Variants in RGL4 observed in about 807,000 individuals in gnomAD.
RGL4 encodes ral guanine nucleotide dissociation stimulator like 4, also known as ral-GDS-related protein.
In RGL4, 41 loss-of-function variants were observed where a neutral mutation model predicts 49.6. The ratio of observed to expected loss-of-function variants is 0.83; its 90% confidence interval spans 0.64 to 1.07. The LOEUF (loss-of-function observed/expected upper bound fraction) is 1.07, where lower values mean the gene tolerates loss of function less well. Among genes scored for constraint, RGL4 ranks in the 50% least tolerant of loss-of-function variants. The probability of loss-of-function intolerance (pLI) is 0.00; values close to 1 mark genes in which losing one functional copy is unlikely to be tolerated. For missense variants in RGL4, 610 were observed against 591.9 expected (o/e 1.03, Z -0.32); for synonymous variants, 255 against 238.0 (o/e 1.07, Z -0.66).
At chr22:23,697,435 A>G (rs1923578555) in intron 8 of RGL4, among the ~76,000 whole-genome samples, 190 bp downstream of exon 8, 1 of 152,188 alleles carries the variant, frequency 6.6e-6, no homozygotes, top group Admixed American at 6.5e-5. Context: ...CATGGCAGCC[A>G]CCAGGCCCTA....
chr22:23,695,219 G>A, intron 6 of RGL4, 200 bp downstream of exon 6: 1 of 522,432 alleles, frequency 1.9e-6, no homozygotes, highest in Non-Finnish European at 3.5e-6. Context: ...GGCACGTGGG[G>A]GCATGGGGGC....
Position 23,693,921 on chromosome 22 carries a change from A to C in RGL4, c.859A>C (p.Met287Leu). 1 of 1,613,888 alleles carries C rather than the reference A, an allele frequency of 6.2e-7. No individual in the cohort carries two copies. The highest frequency in any genetic ancestry group is 8.5e-7 in the Non-Finnish European group (1 of 1,180,014). Residue 287 changes from methionine (M) to leucine (L), a missense_variant, in exon 4 of 11, where the codon ATG becomes CTG. Physicochemically the swap from Met to Leu is conservative, Grantham distance 15. Coordinates refer to ENST00000290691, the MANE Select transcript of RGL4 (RefSeq NM_153615.2). ...CACCTCCTGCCTCGGGGACCACAGC[A>C]TGAGGGCCCGGGACAGGGCCAGGGT... The part of the protein sequence containing the change: ...ITTSCLGDHS[M>L]RARDRARVVE...
intron 6 of RGL4, among the ~76,000 whole-genome samples, chr22:23,695,750 C>A (rs1220674987): frequency 6.6e-6 from 1 of 152,230 alleles, no homozygotes; most frequent in Non-Finnish European, 1.5e-5. Flanking sequence ...CTAGGGGATC[C>A]TCCCTGACCA....
At position 23,691,846 on chromosome 22, in the gene RGL4, G is replaced by T. The variant is rs922630405; in HGVS notation, c.-185G>T. On this transcript the variant is annotated 5_prime_UTR_variant, in exon 1 of 11. Coordinates refer to ENST00000290691, the MANE Select transcript of RGL4 (RefSeq NM_153615.2). ...GGACTTCCCCCACAAGAGGCAAATA[G>T]TGAGTTCTGTAAATGGAGACTTAGG... 3.5e-6 allele frequency: 2 copies of T among 575,162 alleles called. No individual in the cohort carries two copies. Among genetic ancestry groups the T allele is most frequent in the African/African-American group, 1.9e-5 (1 of 53,712 alleles). The allele number at this position is 575,162 out of a possible 1,614,324, so 35.6% of individuals were successfully genotyped here.
At position 23,694,441 on chromosome 22, in the gene RGL4, G is replaced by A. The variant is rs1341653137; in HGVS notation, c.1007G>A (p.Gly336Glu). The A allele has an allele frequency of 2.5e-6, 4 of 1,611,696 alleles. No homozygotes were observed. The South Asian group carries it at 3.3e-5, about 13-fold the overall frequency. ...PIGQLHKTWAGVSSKSMKELK... is the reference protein window; with the variant it reads ...PIGQLHKTWAEVSSKSMKELK... ...GGTCAGCTACACAAGACGTGGGCAG[G>A]AGTGTCCAGGTGAGGAGGGCTCTCT... Residue 336 changes from glycine (G) to glutamate (E), a missense_variant, in exon 5 of 11, where the codon GGA (glycine) becomes GAA (glutamate). Physicochemically the swap from Gly to Glu is moderately conservative, Grantham distance 98. Transcript: ENST00000290691.
chr22:23,697,678 T>A (rs1923595982), intron 8 of RGL4, among the ~76,000 whole-genome samples, 160 bp from the exon 9 acceptor site: 1 of 152,050 alleles, frequency 6.6e-6, no homozygotes, highest in Non-Finnish European at 1.5e-5. Flanking sequence ...CAGCTCCCAT[T>A]CCCCCTGCTC....
Position 23,699,127 on chromosome 22 carries a change from G to C in RGL4, c.*244G>C. On this transcript the variant is annotated 3_prime_UTR_variant, in exon 11 of 11. Transcript: ENST00000290691. ...TATTTTCTTTAGTGTATAAGTAAGGGTTTTTTCTTAACTTTCGTTAAAATA... is the reference window on the plus strand; with the variant it reads ...TATTTTCTTTAGTGTATAAGTAAGGCTTTTTTCTTAACTTTCGTTAAAATA... 2.0e-6 allele frequency: 3 copies of C among 1,476,598 alleles called. No homozygotes were observed. Among genetic ancestry groups the C allele is most frequent in the Non-Finnish European group, 2.7e-6 (3 of 1,118,076 alleles). The allele number at this position is 1,476,598 out of a possible 1,614,324, so 91.5% of individuals were successfully genotyped here.
intron 3 of RGL4, 192 bp downstream of exon 3, chr22:23,693,183 G>C: frequency 1.0e-6 from 1 of 977,538 alleles, no homozygotes; most frequent in Non-Finnish European, 1.5e-6. Context: ...CATCACCAGC[G>C]CCAGCTGCAC....
At chr22:23,696,754 C>T in intron 7 of RGL4, 66 bp downstream of exon 7, 1 of 1,405,914 alleles carries the variant, frequency 7.1e-7, no homozygotes, top group African/African-American at 1.4e-5. Context: ...TCCCCGCCAG[C>T]TGGAGGCCTC....
intron 6 of RGL4, 168 bp from the exon 7 acceptor site, chr22:23,696,446 G>A (rs768260216): frequency 5.5e-5 from 84 of 1,539,874 alleles, no homozygotes; most frequent in East Asian, 2.7e-4. Flanking sequence ...AGGGAGGCCC[G>A]GCTGCAAGAC....
In RGL4 at chr22:23,692,391, A is replaced by G; in HGVS notation, c.236A>G (p.Gln79Arg). 6.2e-7 allele frequency: 1 copy of G among 1,614,156 alleles called. No individual in the cohort carries two copies. The highest frequency in any genetic ancestry group is 8.5e-7 in the Non-Finnish European group (1 of 1,180,026). ...CCCGAAAACACTTCAGTTTACTATC[A>G]GCCCCCGCAACGGTCATCTTTCCGG... is the stretch of plus-strand genomic sequence containing the variant. ...WPPENTSVYY[Q>R]PPQRSSFRIK... Residue 79 changes from glutamine to arginine, a missense_variant, in exon 2 of 11, where the codon CAG becomes CGG. Coordinates refer to ENST00000290691, the MANE Select transcript of RGL4 (RefSeq NM_153615.2).
chr22:23,698,414 G>A (rs747755892), intron 10 of RGL4, 81 bp downstream of exon 10: 4 of 1,491,488 alleles, frequency 2.7e-6, no homozygotes, highest in Non-Finnish European at 3.7e-6. Flanking sequence ...CTGTCGCCCA[G>A]GCTGCACTGC....
In RGL4 at chr22:23,691,170, T is replaced by C. The variant is rs1362231356; in HGVS notation, c.-861T>C. 1 of 152,244 alleles carries C rather than the reference T, an allele frequency of 6.6e-6. No individual in the cohort carries two copies. The highest frequency in any genetic ancestry group is 2.4e-5 in the African/African-American group (1 of 41,442). The allele number at this position is 152,244 out of a possible 1,614,324, so 9.4% of individuals were successfully genotyped here. A position where few individuals can be genotyped will look rare whatever the true frequency, so the allele number is the denominator to read the frequency against. On this transcript the variant is annotated 5_prime_UTR_variant, in exon 1 of 11. Transcript: ENST00000290691. Reference sequence around the variant, plus strand: ...GAAAATCTGCTGGGGGTGCTGTGATTCATGTTTGTTACTTTTCTCTTCCCC... The same window carrying C: ...GAAAATCTGCTGGGGGTGCTGTGATCCATGTTTGTTACTTTTCTCTTCCCC...
chr22:23,697,710 G>A, intron 8 of RGL4, 128 bp from the exon 9 acceptor site: 1 of 1,014,434 alleles, frequency 9.9e-7, no homozygotes, highest in Admixed American at 2.0e-5. Context: ...GCCTGAGGCA[G>A]GTCCAAGTCC....
In RGL4 at chr22:23,698,208, C is replaced by G. The variant is rs771288260; in HGVS notation, c.1261-4C>G. 2 of 1,602,868 alleles carry G rather than the reference C, an allele frequency of 1.2e-6. No individual in the cohort carries two copies. Among genetic ancestry groups the G allele is most frequent in the African/African-American group, 2.7e-5 (2 of 74,754 alleles). On this transcript the variant is annotated splice_polypyrimidine_tract_variant and splice_region_variant and intron_variant, in intron 9 of 10. Transcript: ENST00000290691. Reference sequence around the variant, plus strand: ...CCTGTCAGCATCCTGTCCTCTGTCTCTAGGAGGTCCGAGTTCTGCAGGAAA... The same window carrying G: ...CCTGTCAGCATCCTGTCCTCTGTCTGTAGGAGGTCCGAGTTCTGCAGGAAA...
rs2123857771 is a variant in RGL4 at position 23,694,334 on chromosome 22, C to T, written c.913-13C>T. The T allele has an allele frequency of 1.3e-6, 2 of 1,599,702 alleles. No homozygotes were observed. Among genetic ancestry groups the T allele is most frequent in the Non-Finnish European group, 1.7e-6 (2 of 1,166,878 alleles). On this transcript the variant is annotated splice_polypyrimidine_tract_variant and intron_variant, in intron 4 of 10. Coordinates refer to ENST00000290691, the MANE Select transcript of RGL4 (RefSeq NM_153615.2). ...CCAACTCTGAACCGCACAGCTCATT[C>T]TTCCCTCTCCAGGAGTGCCTAAGCC...
At chr22:23,696,566 G>A (rs765025651) in intron 6 of RGL4, 48 bp from the exon 7 acceptor site, 2 of 1,612,450 alleles carry the variant, frequency 1.2e-6, no homozygotes, top group Non-Finnish European at 1.7e-6. Flanking sequence ...GGGTGTAACT[G>A]GGGGAGAGGA....
rs752668635 is a variant in RGL4, at chr22:23,692,954, C to T, written c.659C>T (p.Pro220Leu). Reference protein sequence around the residue: ...EELPDMTTFPPRLLAEQLTLM... With the variant: ...EELPDMTTFPLRLLAEQLTLM... Reference sequence around the variant, plus strand: ...CTGCCTGACATGACGACCTTCCCTCCCAGGCTGCTGGCAGAGCAGCTGACC... The same window carrying T: ...CTGCCTGACATGACGACCTTCCCTCTCAGGCTGCTGGCAGAGCAGCTGACC... The change falls in exon 3 of 11, where the codon CCC (proline) becomes CTC (leucine). Residue 220 changes from proline to leucine, a missense_variant. By Grantham distance (98) the Pro-to-Leu change is moderately conservative (BLOSUM62 -3). Coordinates refer to ENST00000290691, the MANE Select transcript of RGL4 (RefSeq NM_153615.2). 6.2e-7 allele frequency: 1 copy of T among 1,611,118 alleles called. No individual in the cohort carries two copies. Among genetic ancestry groups the T allele is most frequent in the East Asian group, 2.2e-5 (1 of 44,822 alleles).
At chr22:23,698,505 C>T (rs45570945) in intron 10 of RGL4, 172 bp downstream of exon 10, 12,546 of 763,398 alleles carry the variant, frequency 0.016, 161 homozygotes, top group Non-Finnish European at 0.024. Context: ...CTGGGACTAC[C>T]GCTGTACACC....
Sources: gnomAD v4.1 joint callset for allele counts (sites outside exome capture counted in the v4.1 genomes callset) on GRCh38, gnomAD v4.1.1 for gene constraint, MANE v1.5 for transcripts, NCBI Gene and HGNC (gene_info 2026-07-23, HGNC 2026-07-21) for gene names.